Variants in OSBPL9 observed in about 807,000 individuals in gnomAD.
OSBPL9 encodes the protein oxysterol-binding protein-related protein 9.
In OSBPL9, 40 loss-of-function variants were observed where a neutral mutation model predicts 106.6. That is an observed-to-expected ratio of 0.38 (90% CI 0.29 to 0.49). The LOEUF is 0.49. OSBPL9 is among the 20% of genes least tolerant of loss of function. The pLI, the probability that OSBPL9 is intolerant of heterozygous loss-of-function variation, is 0.97. For synonymous variants in OSBPL9, 269 were observed against 295.4 expected, an observed-to-expected ratio of 0.91 and a Z score of 0.92; for missense variants, 609 against 887.2, an observed-to-expected ratio of 0.69 and a Z score of 3.98.
chr1:51,784,133 G>A, intron 18 of OSBPL9, 108 bp downstream of exon 18: 2 of 1,379,558 alleles, frequency 1.4e-6, no homozygotes, highest in East Asian at 2.3e-5. Flanking sequence ...GGGGGTGAGA[G>A]CAAAGGGTGG....
At chr1:51,645,193 G>A (rs1481919685) in intron 1 of OSBPL9, among the ~76,000 whole-genome samples, 2 of 152,212 alleles carry the variant, frequency 1.3e-5, no homozygotes, top group Non-Finnish European at 2.9e-5. Context: ...GCAGTCTCTG[G>A]TATTCTGTTA....
chr1:51,632,153 TA>T (rs984727894), intron 1 of OSBPL9, among the ~76,000 whole-genome samples: 1 of 152,134 alleles, frequency 6.6e-6, no homozygotes, highest in African/African-American at 2.4e-5. Context: ...AAAATAACAA[TA>T]AAATACAGTA....
chr1:51,729,649 C>T lies in OSBPL9; in HGVS notation c.318+15570C>T. 3.2e-6 allele frequency: 1 copy of T among 316,132 alleles called. No individual in the cohort carries two copies. Among genetic ancestry groups the T allele is most frequent in the Non-Finnish European group, 5.4e-6 (1 of 186,860 alleles). 19.6% of individuals were successfully genotyped at this position (316,132 alleles called of 1,614,324 possible). On this transcript the variant is annotated intron_variant, in intron 4 of 23. Coordinates refer to ENST00000428468, the MANE Select transcript of OSBPL9 (RefSeq NM_024586.6). This position sits in a 1 kb window ranked among gnomAD's most constrained non-coding sequence, Gnocchi z 5.1. ...CCCTCCCGCGAGCTGCCAGCTCCCT[C>T]GGCCTCTCCACCCAAAACTGGCCCA...
chr1:51,519,634 C>A, the OSBPL9 span, among the ~76,000 whole-genome samples: 18 of 152,212 alleles, frequency 1.2e-4, no homozygotes, highest in Non-Finnish European at 2.5e-4. Context: ...AACTAGAGGC[C>A]CAGTTACTTA....
At chr1:51,749,546 A>C in intron 7 of OSBPL9, 1 of 412,086 alleles carries the variant, frequency 2.4e-6, no homozygotes. Flanking sequence ...CCTAGCCTCA[A>C]GCGATCCTCC....
intron 1 of OSBPL9, among the ~76,000 whole-genome samples, chr1:51,632,391 T>G (rs1249311904): frequency 1.3e-5 from 2 of 152,172 alleles, no homozygotes; most frequent in African/African-American, 4.8e-5. Flanking sequence ...GTGAAGACAT[T>G]GAAATTTAAG....
chr1:51,721,236 G>C (rs1172506107), intron 4 of OSBPL9, among the ~76,000 whole-genome samples: 1 of 151,926 alleles, frequency 6.6e-6, no homozygotes, highest in Non-Finnish European at 1.5e-5. Context: ...GTATACAAGG[G>C]AAAGGGAGGG....
intron 3 of OSBPL9, among the ~76,000 whole-genome samples, chr1:51,696,894 A>G (rs1260948981): frequency 1.3e-5 from 2 of 152,044 alleles, no homozygotes; most frequent in Non-Finnish European, 2.9e-5. Flanking sequence ...GCTCATGCCT[A>G]TAATCCCAGC....
At chr1:51,691,972 C>A (rs1557695705) in intron 3 of OSBPL9, among the ~76,000 whole-genome samples, 1 of 152,042 alleles carries the variant, frequency 6.6e-6, no homozygotes, top group Non-Finnish European at 1.5e-5. Flanking sequence ...GGCTGTTTTA[C>A]AGCTTTAAAA....
chr1:51,627,818 G>A (rs1282210805), intron 1 of OSBPL9, among the ~76,000 whole-genome samples: 2 of 151,382 alleles, frequency 1.3e-5, no homozygotes, highest in Non-Finnish European at 2.9e-5. Context: ...GCATTTACTC[G>A]ACAGCACTCT....
At chr1:51,737,783 G>A (rs1260194025) in intron 4 of OSBPL9, among the ~76,000 whole-genome samples, 1 of 151,934 alleles carries the variant, frequency 6.6e-6, no homozygotes, top group East Asian at 1.9e-4. Context: ...AGGTTTTGTA[G>A]TTTTTTAAAA....
intron 1 of OSBPL9, among the ~76,000 whole-genome samples, chr1:51,592,481 G>C (rs1645281863): frequency 1.3e-5 from 2 of 152,064 alleles, no homozygotes; most frequent in Admixed American, 1.3e-4. Context: ...GTTACTTTTT[G>C]GTGTATGTGT....
chr1:51,615,580 A>G (rs1644033535), upstream of OSBPL9, among the ~76,000 whole-genome samples: 2 of 152,178 alleles, frequency 1.3e-5, no homozygotes, highest in Admixed American at 6.5e-5. Context: ...CTTGAAAATC[A>G]GCAAAGTAAT....
intron 1 of OSBPL9, among the ~76,000 whole-genome samples, chr1:51,597,409 G>A (rs973652356): frequency 2.2e-5 from 3 of 135,672 alleles, no homozygotes; most frequent in South Asian, 2.5e-4. Context: ...ATATATGTGT[G>A]TATATATATA....
At chr1:51,680,828 G>T (rs1278880844) in intron 3 of OSBPL9, among the ~76,000 whole-genome samples, 2 of 152,012 alleles carry the variant, frequency 1.3e-5, no homozygotes, top group Non-Finnish European at 2.9e-5. Flanking sequence ...ATTCATAAAA[G>T]AATTTGTCAG....
the OSBPL9 span, among the ~76,000 whole-genome samples, chr1:51,546,299 G>A: frequency 6.6e-6 from 1 of 152,074 alleles, no homozygotes; most frequent in Non-Finnish European, 1.5e-5. Flanking sequence ...TTACAGGTGT[G>A]AGCCACCACA....
chr1:51,634,180 T>A (rs1645282527), intron 1 of OSBPL9, among the ~76,000 whole-genome samples: 1 of 152,220 alleles, frequency 6.6e-6, no homozygotes, highest in Admixed American at 6.5e-5. Context: ...TTTTATAATC[T>A]TGTTATTCTG....
chr1:51,776,696 A>G (rs1370236804), intron 14 of OSBPL9, 137 bp from the exon 15 acceptor site: 2 of 603,640 alleles, frequency 3.3e-6, no homozygotes, highest in Non-Finnish European at 5.8e-6. Context: ...TTTTTGGAGC[A>G]TGCCTGGGCA....
chr1:51,585,988 C>T (rs879828695), intron 1 of OSBPL9, among the ~76,000 whole-genome samples: 7 of 151,348 alleles, frequency 4.6e-5, no homozygotes, highest in South Asian at 2.1e-4. Flanking sequence ...GCCTGGCCAA[C>T]GTAGCAAAAC....
Sources: allele counts gnomAD v4.1 joint callset (sites outside exome capture counted in the v4.1 genomes callset), GRCh38; gene constraint gnomAD v4.1.1; non-coding constraint Gnocchi (gnomAD v3.1); transcripts MANE v1.5; gene names NCBI Gene and HGNC (gene_info 2026-07-23, HGNC 2026-07-21).